The following MAST4 variants were observed in gnomAD, a reference collection of about 807,000 sequenced individuals.
The protein encoded by MAST4 is microtubule-associated serine/threonine-protein kinase 4.
MAST4 carries 89 observed loss-of-function variants against 162.7 expected under a neutral mutation model. The ratio of observed to expected loss-of-function variants is 0.55; its 90% confidence interval spans 0.46 to 0.65. The LOEUF (loss-of-function observed/expected upper bound fraction) is 0.65. Ranked by LOEUF, MAST4 falls within the 30% of genes least tolerant of loss-of-function variation. The pLI is 0.00. For synonymous variants in MAST4, 1,479 were observed against 1,361.1 expected (o/e 1.09, Z -1.91); for missense variants, 3,153 against 3,374.0 (o/e 0.93, Z 1.62).
chr5:67,165,056 T>C lies in MAST4; in HGVS notation c.5877T>C (p.Pro1959=). ...DLARPRCPLP[P]EASPSREKPG... is the part of the protein sequence containing the mutation. The stretch of plus-strand genomic sequence containing the variant: ...CCAGGCCACGCTGCCCGCTCCCACC[T>C]GAAGCTTCCCCCTCAAGGGAGAAGC... The change falls in exon 29 of 29, where the codon CCT becomes CCC. Residue 1959 remains proline, a synonymous_variant. Transcript: ENST00000403625. 1 of 1,604,378 alleles carries C rather than the reference T, an allele frequency of 6.2e-7. No individual in the cohort carries two copies. Among genetic ancestry groups the C allele is most frequent in the Non-Finnish European group, 8.5e-7 (1 of 1,175,442 alleles).
intron 4 of MAST4, among the ~76,000 whole-genome samples, chr5:67,047,852 T>TTC (rs929388643): frequency 6.6e-6 from 1 of 152,188 alleles, no homozygotes; most frequent in Non-Finnish European, 1.5e-5. Flanking sequence ...CTCTGCTGCC[T>TTC]TCTAAGGAGG....
intron 1 of MAST4, among the ~76,000 whole-genome samples, chr5:66,744,056 C>T (rs1261251025): frequency 6.6e-6 from 1 of 152,104 alleles, no homozygotes; most frequent in Non-Finnish European, 1.5e-5. Flanking sequence ...TCAGTCATTT[C>T]CTTCTCTTTC....
At chr5:66,873,503 G>A (rs1761086879) in intron 3 of MAST4, among the ~76,000 whole-genome samples, 1 of 152,176 alleles carries the variant, frequency 6.6e-6, no homozygotes, top group Non-Finnish European at 1.5e-5. Context: ...TGAGAACACT[G>A]ATTTTATTGT....
In MAST4 at chr5:67,051,136, G is replaced by A. The variant is rs142981652; in HGVS notation, c.675-3268G>A. 2.4e-3 allele frequency among the ~76,000 whole-genome samples: 358 copies of A among 151,696 alleles called. 4 individuals are homozygous for A. Among genetic ancestry groups the A allele is most frequent in the African/African-American group, 8.4e-3 (349 of 41,324 alleles). ...CTGCTACAGGAGAAGTAGTATTCAT[G>A]TTTAATCTGGTCGGACATCACCTGT... On this transcript the variant is annotated intron_variant, in intron 4 of 28. Transcript: ENST00000403625.
intron 2 of MAST4, among the ~76,000 whole-genome samples, chr5:66,785,893 G>T (rs1157476969): frequency 2.0e-5 from 3 of 152,042 alleles, no homozygotes; most frequent in Non-Finnish European, 2.9e-5. Flanking sequence ...TCTTGAGATA[G>T]TGTCTCACTC....
Position 67,168,337 on chromosome 5 carries a change from A to G in MAST4, c.*1286A>G, listed in dbSNP as rs1466563713. The G allele has an allele frequency of 1.3e-5, 2 of 152,160 alleles. No homozygotes were observed. The highest frequency in any genetic ancestry group is 1.9e-4 in the East Asian group (1 of 5,202). The allele number at this position is 152,160 out of a possible 1,614,324, so 9.4% of individuals were successfully genotyped here. A position where few individuals can be genotyped will look rare whatever the true frequency, so the allele number is the denominator to read the frequency against. ...TGATCTCTTTATTTGTATGCAAAAA[A>G]TACTGTCTTAATACAGAGCAGCATT... On this transcript the variant is annotated 3_prime_UTR_variant, in exon 29 of 29. Coordinates refer to ENST00000403625, the MANE Select transcript of MAST4 (RefSeq NM_001164664.2).
intron 3 of MAST4, among the ~76,000 whole-genome samples, chr5:66,842,895 G>A (rs559173982): frequency 3.9e-5 from 6 of 152,038 alleles, no homozygotes; most frequent in South Asian, 4.2e-4. Flanking sequence ...TTTAGGTTCC[G>A]CTTGTATGTC....
At chr5:66,899,037 A>C (rs1188106742) in intron 3 of MAST4, among the ~76,000 whole-genome samples, 1 of 152,240 alleles carries the variant, frequency 6.6e-6, no homozygotes, top group Non-Finnish European at 1.5e-5. Context: ...CAGAAAAATA[A>C]ATGAGAATTA....
chr5:66,947,371 A>G (rs1744167797), intron 4 of MAST4, among the ~76,000 whole-genome samples: 1 of 152,178 alleles, frequency 6.6e-6, no homozygotes, highest in Admixed American at 6.5e-5. Context: ...CCATCTCCCT[A>G]CAAAGAAAAA....
At chr5:67,054,865 A>G (rs570432773) in intron 5 of MAST4, among the ~76,000 whole-genome samples, 1 of 152,340 alleles carries the variant, frequency 6.6e-6, no homozygotes, top group East Asian at 1.9e-4. Context: ...CCTAAAATTG[A>G]ACTTGTCTAA....
chr5:66,848,990 G>A (rs1362913139), intron 3 of MAST4, among the ~76,000 whole-genome samples: 1 of 152,190 alleles, frequency 6.6e-6, no homozygotes, highest in Non-Finnish European at 1.5e-5. Context: ...TAAAGCGATG[G>A]AATTTTGTCC....
rs36071165 is a variant in MAST4 at position 66,883,422 on chromosome 5, GT to G, written c.643-16504del. On this transcript the variant is annotated intron_variant, in intron 3 of 28. Transcript: ENST00000403625. ...GGCACAGTTGTGTTGTTCTGTCACT[GT>G]TTTTTTTTTTTTTTTTTTTTTTTTA... 2.7e-3 allele frequency among the ~76,000 whole-genome samples: 261 copies of G among 97,242 alleles called. 2 individuals carry two copies. The highest frequency in any genetic ancestry group is 8.7e-3 in the African/African-American group (215 of 24,756). The allele number at this position is 97,242 out of a possible 152,430, so 63.8% of individuals were successfully genotyped here.
Position 66,772,171 on chromosome 5 carries a change from G to A in MAST4, c.517+12309G>A, listed in dbSNP as rs142324639. Among the ~76,000 whole-genome samples the A allele has an allele frequency of 6.8e-3, 1,037 of 152,280 alleles. 4 individuals are homozygous for A. The highest frequency in any genetic ancestry group is 0.011 in the Non-Finnish European group (764 of 68,022). ...GAAATCTCACACTTCATGTCCTTGA[G>A]GTACTGGGGAGGAGGAGATAAGGTA... is the stretch of plus-strand genomic sequence containing the variant. On this transcript the variant is annotated intron_variant, in intron 2 of 28. Transcript: ENST00000403625.
chr5:67,129,759 A>G (rs1406056240), intron 14 of MAST4, among the ~76,000 whole-genome samples: 3 of 151,748 alleles, frequency 2.0e-5, no homozygotes, highest in Admixed American at 2.0e-4. Flanking sequence ...AAAGAAAATT[A>G]TTGCTTTAGT....
intron 19 of MAST4, among the ~76,000 whole-genome samples, chr5:67,140,236 C>A (rs1470873439): frequency 1.3e-5 from 2 of 152,200 alleles, no homozygotes; most frequent in Non-Finnish European, 2.9e-5. Flanking sequence ...TAGGGCTTTC[C>A]CTACCCAACA....
chr5:66,702,817 C>T (rs1749865620), intron 1 of MAST4, among the ~76,000 whole-genome samples: 2 of 152,072 alleles, frequency 1.3e-5, no homozygotes, highest in Admixed American at 1.3e-4. Flanking sequence ...TGCAAAGCCA[C>T]CAGAGGGTTT....
chr5:67,012,138 A>G (rs1752759678), intron 4 of MAST4, among the ~76,000 whole-genome samples: 1 of 152,172 alleles, frequency 6.6e-6, no homozygotes, highest in Admixed American at 6.5e-5. Flanking sequence ...TTACACATCT[A>G]TCCTGTTATC....
intron 3 of MAST4, among the ~76,000 whole-genome samples, chr5:66,832,216 T>C (rs757019013): frequency 6.1e-5 from 9 of 148,740 alleles, no homozygotes; most frequent in Non-Finnish European, 1.2e-4. Flanking sequence ...CGCCCCCCAA[T>C]TAAATATTAC....
intron 3 of MAST4, chr5:66,789,599 G>T (rs1755289084): frequency 8.7e-6 from 3 of 345,942 alleles, no homozygotes; most frequent in East Asian, 9.0e-5. Context: ...TGCATTCCAG[G>T]CAAGAATACG....
Sources: gnomAD v4.1 joint callset for allele counts (sites outside exome capture counted in the v4.1 genomes callset) on GRCh38, gnomAD v4.1.1 for gene constraint, MANE v1.5 for transcripts, NCBI Gene and HGNC (gene_info 2026-07-23, HGNC 2026-07-21) for gene names.